Variants in RASEF observed in about 807,000 individuals in gnomAD.
RASEF encodes the protein RAS and EF-hand domain containing.
RASEF carries 68 observed loss-of-function variants against 90.1 expected under a neutral mutation model. That is an observed-to-expected ratio of 0.75 (90% CI 0.62 to 0.92). The LOEUF (loss-of-function observed/expected upper bound fraction) is 0.92. Ranked by LOEUF, RASEF falls within the 40% of genes least tolerant of loss-of-function variation. RASEF has a pLI of 0.00. For missense variants in RASEF, 949 were observed against 937.2 expected (o/e 1.01, Z -0.16); for synonymous variants, 331 against 345.2 (o/e 0.96, Z 0.46).
chr9:82,988,435 A>C, intron 16 of RASEF, among the ~76,000 whole-genome samples: 1 of 152,364 alleles, frequency 6.6e-6, no homozygotes, highest in Non-Finnish European at 1.5e-5. Context: ...AGTTGAATGT[A>C]TATGTGTTCA....
chr9:83,005,439 A>G lies in RASEF; in HGVS notation c.1090T>C (p.Tyr364His), dbSNP rs754654729. Reference sequence around the variant, plus strand: ...ACCAAAGATCTGTTGAACTTGCTATAACTGTTTTCAAGGGCACTTCTAAGG... The same window carrying G: ...ACCAAAGATCTGTTGAACTTGCTATGACTGTTTTCAAGGGCACTTCTAAGG... ...DGLRSALENS[Y>H]SKFNRSLHIN... The change falls in exon 8 of 17, where the codon TAT becomes CAT. Residue 364 changes from tyrosine to histidine, a missense_variant. Tyr to His is a moderately conservative substitution (Grantham distance 83, BLOSUM62 2). Around this residue, in one of 3 missense-constraint regions of RASEF, gnomAD observed 656 missense variants for 592.2 expected, o/e 1.11. Coordinates refer to ENST00000376447, the MANE Select transcript of RASEF (RefSeq NM_152573.4). 4 of 1,613,372 alleles carry G rather than the reference A, an allele frequency of 2.5e-6. No individual in the cohort carries two copies. The highest frequency in any genetic ancestry group is 2.5e-6 in the Non-Finnish European group (3 of 1,179,348).
the RASEF span, among the ~76,000 whole-genome samples, chr9:83,178,396 T>A: frequency 6.6e-6 from 1 of 152,148 alleles, no homozygotes. Context: ...TTCCAGCCAC[T>A]CCCAGCCATA....
At chr9:83,152,735 TAC>T in the RASEF span, among the ~76,000 whole-genome samples, 61,365 of 150,650 alleles carry the variant, frequency 0.41, 12,710 homozygotes, top group Middle Eastern at 0.48. Context: ...CAGACACACA[TAC>T]ACACACACAC....
the RASEF span, among the ~76,000 whole-genome samples, chr9:83,091,770 T>A: frequency 6.6e-6 from 1 of 152,026 alleles, no homozygotes; most frequent in East Asian, 1.9e-4. Context: ...TAATGACTAG[T>A]CTTTTGAGTG....
intron 1 of RASEF, among the ~76,000 whole-genome samples, chr9:83,034,044 T>C (rs1829694666): frequency 6.6e-6 from 1 of 152,174 alleles, no homozygotes; most frequent in Admixed American, 6.5e-5. Context: ...AAACCCCAAA[T>C]TAACTAGAAA....
At chr9:83,024,569 C>T (rs77493682) in intron 2 of RASEF, among the ~76,000 whole-genome samples, 4,504 of 152,208 alleles carry the variant, frequency 0.03, 202 homozygotes, top group African/African-American at 0.1. Context: ...TCTACAGACT[C>T]TGGAGTTCTG....
intron 7 of RASEF, among the ~76,000 whole-genome samples, chr9:83,006,811 G>T (rs549544745): frequency 6.6e-6 from 1 of 152,082 alleles, no homozygotes; most frequent in Non-Finnish European, 1.5e-5. Context: ...CTCAGGGTAC[G>T]GGCCGGGCGT....
At chr9:83,193,379 C>G in the RASEF span, among the ~76,000 whole-genome samples, 1 of 152,318 alleles carries the variant, frequency 6.6e-6, no homozygotes. Context: ...AATTTAAGTA[C>G]TGTGGACACT....
At chr9:83,058,774 T>C (rs1443457058) in intron 1 of RASEF, among the ~76,000 whole-genome samples, 1 of 152,184 alleles carries the variant, frequency 6.6e-6, no homozygotes, top group Non-Finnish European at 1.5e-5. Flanking sequence ...AGGTAAGCCG[T>C]TTTGCCAATC....
At chr9:83,162,776 C>G in the RASEF span, among the ~76,000 whole-genome samples, 2 of 152,160 alleles carry the variant, frequency 1.3e-5, no homozygotes, top group Admixed American at 6.6e-5. Context: ...GAACCACTGC[C>G]AGGCAGGAAA....
the RASEF span, among the ~76,000 whole-genome samples, chr9:83,182,397 T>C: frequency 6.6e-6 from 1 of 152,198 alleles, no homozygotes; most frequent in Non-Finnish European, 1.5e-5. Flanking sequence ...GTGTTTTGTT[T>C]ATGGTCATAA....
chr9:83,188,461 C>A, the RASEF span, among the ~76,000 whole-genome samples: 1 of 152,214 alleles, frequency 6.6e-6, no homozygotes, highest in African/African-American at 2.4e-5. Context: ...GCAACCTGAG[C>A]AAGCTCCTTG....
chr9:83,074,756 A>C, the RASEF span, among the ~76,000 whole-genome samples: 1 of 152,212 alleles, frequency 6.6e-6, no homozygotes, highest in East Asian at 1.9e-4. Flanking sequence ...AAAGTTTGTC[A>C]ACCCTGCACT....
At chr9:83,172,382 A>G in the RASEF span, among the ~76,000 whole-genome samples, 1 of 151,816 alleles carries the variant, frequency 6.6e-6, no homozygotes, top group Admixed American at 6.6e-5. Flanking sequence ...TAACATTATT[A>G]TTGATGGTAA....
the RASEF span, among the ~76,000 whole-genome samples, chr9:83,147,579 C>G: frequency 6.6e-6 from 1 of 152,036 alleles, no homozygotes; most frequent in Non-Finnish European, 1.5e-5. Flanking sequence ...GGCTCTGGCC[C>G]CATGGTAGTG....
chr9:82,988,204 C>T (rs536392587), intron 16 of RASEF, among the ~76,000 whole-genome samples: 5 of 152,360 alleles, frequency 3.3e-5, no homozygotes, highest in African/African-American at 1.2e-4. Flanking sequence ...CTGCATTTTA[C>T]TGAACTCTCC....
chr9:83,106,888 C>T, the RASEF span, among the ~76,000 whole-genome samples: 12 of 152,082 alleles, frequency 7.9e-5, no homozygotes, highest in African/African-American at 2.2e-4. Flanking sequence ...ACAATTTCAG[C>T]GATAATCTGG....
chr9:82,998,375 C>G lies in RASEF; in HGVS notation c.1795G>C (p.Gly599Arg), dbSNP rs1828959695. The G allele has an allele frequency of 6.2e-7, 1 of 1,611,382 alleles. No individual in the cohort carries two copies. Among genetic ancestry groups the G allele is most frequent in the Non-Finnish European group, 8.5e-7 (1 of 1,177,640 alleles). Residue 599 changes from glycine to arginine, a missense_variant, in exon 13 of 17, where the codon GGT (glycine) becomes CGT (arginine). This residue lies in a region of RASEF where 288 missense variants were observed against 328.4 expected (regional missense o/e 0.88). Coordinates refer to ENST00000376447, the MANE Select transcript of RASEF (RefSeq NM_152573.4). ...RTVLQLWDTAGQERFRSIAKS... is the reference protein window; with the variant it reads ...RTVLQLWDTARQERFRSIAKS... ...GCGGAATGCACTTGCCTCTCCTGACCAGCTGTATCCCAGAGCTGCAGAACT... is the reference window on the plus strand; with the variant it reads ...GCGGAATGCACTTGCCTCTCCTGACGAGCTGTATCCCAGAGCTGCAGAACT...
chr9:83,015,345 CA>C (rs1829323703), intron 4 of RASEF, among the ~76,000 whole-genome samples: 1 of 152,156 alleles, frequency 6.6e-6, no homozygotes, highest in Admixed American at 6.5e-5. Flanking sequence ...ATGCAAAAGA[CA>C]GGTGGCCCCT....
Sources: gnomAD v4.1 joint callset for allele counts (sites outside exome capture counted in the v4.1 genomes callset) on GRCh38, gnomAD v4.1.1 for gene constraint, gnomAD v4.1.1 regional missense constraint, MANE v1.5 for transcripts, NCBI Gene and HGNC (gene_info 2026-07-23, HGNC 2026-07-21) for gene names.